ABCC8: variants seen among roughly 807,000 people sequenced by gnomAD.
ABCC8 encodes the protein ATP binding cassette subfamily C member 8.
In ABCC8, 137 loss-of-function variants were observed where a neutral mutation model predicts 188.0. The ratio of observed to expected loss-of-function variants is 0.73; its 90% CI spans 0.63 to 0.84. The LOEUF (loss-of-function observed/expected upper bound fraction) is 0.84. ABCC8 is among the 40% of genes least tolerant of loss of function. The pLI, the probability that ABCC8 is intolerant of heterozygous loss-of-function variation, is 0.00. For missense variants in ABCC8, 1,750 were observed against 2,072.7 expected (o/e 0.84, Z 3.02); for synonymous variants, 797 against 846.5 (o/e 0.94, Z 1.01).
At chr11:17,462,009 G>A (rs969762207) in intron 4 of ABCC8, 184 bp from the exon 5 acceptor site, 3 of 669,892 alleles carry the variant, frequency 4.5e-6, no homozygotes, top group African/African-American at 2.0e-5. Flanking sequence ...CAATGTCAGG[G>A]CATCCTGACT....
rs748159382 is a variant in ABCC8 at position 17,404,570 on chromosome 11, G to C, written c.3499C>G (p.Leu1167Val). The C allele has an allele frequency of 1.9e-6, 3 of 1,614,078 alleles. No individual in the cohort carries two copies. The highest frequency in any genetic ancestry group is 2.5e-6 in the Non-Finnish European group (3 of 1,180,000). ...TAGCACACGATGGCCAGGGGCAAGA[G>C]GGCCACGAGGAACACAGGTGTGACA... ...SYVTPVFLVA[L>V]LPLAIVCYFI... Residue 1167 changes from leucine to valine, a missense_variant, in exon 28 of 39, where the codon CTC (leucine) becomes GTC (valine). Coordinates refer to ENST00000389817, the MANE Select transcript of ABCC8 (RefSeq NM_000352.6). The surrounding 1 kb of genome is among the most constrained non-coding windows in gnomAD (Gnocchi z 4.7).
chr11:17,452,653 A>C (rs2133639862), intron 7 of ABCC8, among the ~76,000 whole-genome samples: 1 of 152,336 alleles, frequency 6.6e-6, no homozygotes, highest in African/African-American at 2.4e-5. Context: ...GCCATGGACC[A>C]ATACCCCATC....
rs183065036 is a variant in ABCC8 at position 17,397,351 on chromosome 11, G to A, written c.3868-38C>T. 1.6e-4 allele frequency: 253 copies of A among 1,604,226 alleles called. 1 individual carries two copies. The African/African-American group carries it at 2.9e-3, about 18-fold the overall frequency. On this transcript the variant is annotated intron_variant, in intron 31 of 38. Coordinates refer to ENST00000389817, the MANE Select transcript of ABCC8 (RefSeq NM_000352.6). ...AGCCAGTGGCGCACACTCCATGGTCGCTTAGTTCTGTCCTCAGCCACCAGA... is the reference window on the plus strand; with the variant it reads ...AGCCAGTGGCGCACACTCCATGGTCACTTAGTTCTGTCCTCAGCCACCAGA...
At chr11:17,432,336 G>A in intron 10 of ABCC8, 92 bp from the exon 11 acceptor site, 1 of 1,549,920 alleles carries the variant, frequency 6.5e-7, no homozygotes, top group Non-Finnish European at 8.7e-7. Flanking sequence ...GCGCAGTCCA[G>A]TGGGGCCAGC....
chr11:17,393,067 A>G lies in ABCC8; in HGVS notation c.4670T>C (p.Leu1557Pro). ...LVIVLKRGAI[L>P]EFDKPEKLLS... ...CAGCTTCTCTGGCTTATCGAACTCA[A>G]GGATGGCACCCCGCTTCAGGACGAT... Residue 1557 changes from leucine to proline, a missense_variant, in exon 39 of 39, where the codon CTT (leucine) becomes CCT (proline). By Grantham distance (98) the Leu-to-Pro change is moderately conservative (BLOSUM62 -3). Coordinates refer to ENST00000389817, the MANE Select transcript of ABCC8 (RefSeq NM_000352.6). 6.2e-7 allele frequency: 1 copy of G among 1,614,118 alleles called. No homozygotes were observed. Among genetic ancestry groups the G allele is most frequent in the African/African-American group, 1.3e-5 (1 of 75,048 alleles).
intron 7 of ABCC8, among the ~76,000 whole-genome samples, chr11:17,450,311 T>A: frequency 7.4e-6 from 1 of 135,590 alleles, no homozygotes; most frequent in Non-Finnish European, 1.5e-5. Flanking sequence ...TCTTTCTTTC[T>A]TTCTTTCTTT....
intron 6 of ABCC8, among the ~76,000 whole-genome samples, chr11:17,457,928 T>C: frequency 6.6e-6 from 1 of 152,180 alleles, no homozygotes; most frequent in South Asian, 2.1e-4. Context: ...CACTGCAACA[T>C]GTAGCTAGGG....
At chr11:17,474,800 A>G in intron 2 of ABCC8, 86 bp downstream of exon 2, 1 of 1,417,914 alleles carries the variant, frequency 7.1e-7, no homozygotes, top group South Asian at 1.2e-5. Flanking sequence ...GGCTTGTGGA[A>G]TATAGGTGAG....
intron 17 of ABCC8, among the ~76,000 whole-genome samples, chr11:17,416,619 C>T (rs994787693): frequency 6.6e-6 from 1 of 152,164 alleles, no homozygotes; most frequent in Non-Finnish European, 1.5e-5. Flanking sequence ...CTCTCTCTCC[C>T]ACCAGACCCT....
chr11:17,437,353 T>C (rs1344994062), intron 10 of ABCC8, among the ~76,000 whole-genome samples: 1 of 152,226 alleles, frequency 6.6e-6, no homozygotes, highest in East Asian at 1.9e-4. Context: ...CAGCCTGGCA[T>C]TGCAATACCA....
chr11:17,395,642 C>T lies in ABCC8; in HGVS notation c.4275G>A (p.Leu1425=). ...HTLRSRLSII[L]QDPVLFSGTI... is the part of the protein sequence containing the mutation. ...TGCCGCTGAAGAGGACGGGGTCCTG[C>T]AGGATGATGGAGAGGCGTGAGCGCA... Residue 1425 remains leucine, a synonymous_variant, in exon 35 of 39, where the codon CTG becomes CTA. Transcript: ENST00000389817. 6.4e-7 allele frequency: 1 copy of T among 1,559,528 alleles called. No homozygotes were observed. The highest frequency in any genetic ancestry group is 8.7e-7 in the Non-Finnish European group (1 of 1,152,018).
chr11:17,446,672 G>A (rs554530338), intron 8 of ABCC8, among the ~76,000 whole-genome samples: 6 of 152,250 alleles, frequency 3.9e-5, no homozygotes, highest in African/African-American at 1.4e-4. Context: ...ATCTGTCTTG[G>A]CAGAATGGAG....
At chr11:17,466,668 G>A (rs1848170712) in intron 3 of ABCC8, among the ~76,000 whole-genome samples, 1 of 151,848 alleles carries the variant, frequency 6.6e-6, no homozygotes, top group African/African-American at 2.4e-5. Context: ...CCAGGCTGGA[G>A]TGCAGTGGCA....
At chr11:17,399,565 C>T (rs2133419395) in intron 29 of ABCC8, among the ~76,000 whole-genome samples, 1 of 152,338 alleles carries the variant, frequency 6.6e-6, no homozygotes, top group Non-Finnish European at 1.5e-5. Flanking sequence ...GCTGCCTCCT[C>T]AGAGAGGCTC....
rs1244223711 is a variant in ABCC8 at position 17,404,684 on chromosome 11, G to T, written c.3400-15C>A. 6.9e-6 allele frequency: 11 copies of T among 1,594,904 alleles called. No homozygotes were observed. The highest frequency in any genetic ancestry group is 9.4e-6 in the Non-Finnish European group (11 of 1,171,026). On this transcript the variant is annotated splice_polypyrimidine_tract_variant and intron_variant, in intron 27 of 38. Coordinates refer to ENST00000389817, the MANE Select transcript of ABCC8 (RefSeq NM_000352.6). This position sits in a 1 kb window ranked among gnomAD's most constrained non-coding sequence, Gnocchi z 4.7. Reference sequence around the variant, plus strand: ...GATGGGATGTGCTGAGGGAGACGAGGGGGAGAGAGTGAGGTGAATTTTGGT... The same window carrying T: ...GATGGGATGTGCTGAGGGAGACGAGTGGGAGAGAGTGAGGTGAATTTTGGT...
At chr11:17,424,421 G>C (rs1955492353) in intron 16 of ABCC8, among the ~76,000 whole-genome samples, 1 of 152,196 alleles carries the variant, frequency 6.6e-6, no homozygotes, top group Non-Finnish European at 1.5e-5. Context: ...CTAAGAGAGA[G>C]GGGCAGCAGT....
At chr11:17,475,538 T>TTGTGTG (rs1848714577) in intron 1 of ABCC8, among the ~76,000 whole-genome samples, 1 of 152,230 alleles carries the variant, frequency 6.6e-6, no homozygotes, top group Non-Finnish European at 1.5e-5. Flanking sequence ...TACCCCATTA[T>TTGTGTG]ACATACTAAC....
intron 10 of ABCC8, among the ~76,000 whole-genome samples, chr11:17,436,770 C>A (rs899497761): frequency 7.2e-5 from 11 of 152,134 alleles, no homozygotes; most frequent in African/African-American, 2.6e-4. Context: ...TTTAGAATAT[C>A]CTTTCCAAAA....
rs747642784 is a variant in ABCC8, at chr11:17,448,583, G to A, written c.1265C>T (p.Ala422Val). The A allele has an allele frequency of 7.4e-6, 12 of 1,614,086 alleles. No individual in the cohort carries two copies. The highest frequency in any genetic ancestry group is 1.0e-5 in the Non-Finnish European group (12 of 1,180,048). Residue 422 changes from alanine (A) to valine (V), a missense_variant, in exon 8 of 39, where the codon GCC becomes GTC. Physicochemically the swap from Ala to Val is moderately conservative, Grantham distance 64. Transcript: ENST00000389817. Reference sequence around the variant, plus strand: ...CCACATGAGCTGATTGGTGTCGATGGCAACCAGATTACAGATCTGTCCAGC... The same window carrying A: ...CCACATGAGCTGATTGGTGTCGATGACAACCAGATTACAGATCTGTCCAGC... ...MTAGQICNLVAIDTNQLMWFF... is the reference protein window; with the variant it reads ...MTAGQICNLVVIDTNQLMWFF...
Sources: gnomAD v4.1 joint callset for allele counts (sites outside exome capture counted in the v4.1 genomes callset) on GRCh38, gnomAD v4.1.1 for gene constraint, Gnocchi (gnomAD v3.1) non-coding constraint, MANE v1.5 for transcripts, NCBI Gene and HGNC (gene_info 2026-07-23, HGNC 2026-07-21) for gene names.